Variants in FHAD1 observed in about 807,000 individuals in gnomAD.
FHAD1 encodes forkhead-associated domain-containing protein 1.
Under a neutral mutation model 191.3 loss-of-function variants are expected in FHAD1, and 146 were observed. The ratio of observed to expected loss-of-function variants is 0.76; its 90% confidence interval spans 0.67 to 0.88. The LOEUF (loss-of-function observed/expected upper bound fraction) is 0.88, where lower values mean the gene tolerates loss of function less well. Ranked by LOEUF, FHAD1 falls within the 40% of genes least tolerant of loss-of-function variation. FHAD1 has a pLI of 0.00. For synonymous variants in FHAD1, 616 were observed against 672.3 expected, an observed-to-expected ratio of 0.92 and a Z score of 1.29; for missense variants, 1,635 against 1,785.8, an observed-to-expected ratio of 0.92 and a Z score of 1.52.
chr1:15,302,627 T>C (rs1669179009), intron 6 of FHAD1, among the ~76,000 whole-genome samples: 1 of 151,282 alleles, frequency 6.6e-6, no homozygotes, highest in Non-Finnish European at 1.5e-5. Context: ...CGGGAGGCAG[T>C]AGAATGGCAT....
chr1:15,251,888 T>C lies in FHAD1; in HGVS notation c.93+11T>C. 2 of 1,548,772 alleles carry C rather than the reference T, an allele frequency of 1.3e-6. No individual in the cohort carries two copies. The highest frequency in any genetic ancestry group is 1.7e-6 in the Non-Finnish European group (2 of 1,144,416). ...GACCTTGTTTTACAGGTAAGAAGTC[T>C]TCCCACCTGTTCCCGTCCCCTCCCT... is the stretch of plus-strand genomic sequence containing the variant. On this transcript the variant is annotated intron_variant, in intron 2 of 33. Transcript: ENST00000688493.
At chr1:15,383,851 C>CA (rs1557434396) in intron 31 of FHAD1, 1 of 446,786 alleles carries the variant, frequency 2.2e-6, no homozygotes. Context: ...CCCAAGTGCA[C>CA]ACAGCGGCTG....
intron 19 of FHAD1, among the ~76,000 whole-genome samples, chr1:15,349,576 G>A (rs1214619890): frequency 2.0e-5 from 3 of 152,244 alleles, no homozygotes; most frequent in Admixed American, 6.5e-5. Flanking sequence ...GCATGGCCAA[G>A]GGAGAAAGCA....
At chr1:15,273,647 A>G (rs1657060821) in intron 3 of FHAD1, among the ~76,000 whole-genome samples, 2 of 152,314 alleles carry the variant, frequency 1.3e-5, no homozygotes, top group South Asian at 2.1e-4. Context: ...TGCCATCACC[A>G]TGTACATCCT....
intron 8 of FHAD1, among the ~76,000 whole-genome samples, chr1:15,313,836 C>T (rs1673055486): frequency 1.3e-5 from 2 of 151,908 alleles, no homozygotes; most frequent in South Asian, 2.1e-4. Context: ...TTTGGGAGGC[C>T]GAGGCTGGTG....
At position 15,289,494 on chromosome 1, in the gene FHAD1, T is replaced by C. The variant is rs200337988; in HGVS notation, c.396T>C (p.His132=). The C allele has an allele frequency of 4.0e-3, 6,284 of 1,551,822 alleles. 16 individuals carry two copies. Among genetic ancestry groups the C allele is most frequent in the Non-Finnish European group, 5.0e-3 (5,709 of 1,147,024 alleles). ...QQPNQAPPPS[H]IPFHQGVQPA... The stretch of plus-strand genomic sequence containing the variant: ...CAAACCAGGCCCCCCCACCATCACA[T>C]ATCCCCTTCCACCAAGGTGTCCAGC... The change falls in exon 4 of 34, where the codon CAT becomes CAC. Residue 132 remains histidine, a synonymous_variant. Coordinates refer to ENST00000688493, the MANE Select transcript of FHAD1 (RefSeq NM_001391957.1). The surrounding 1 kb of genome is among the most constrained non-coding windows in gnomAD (Gnocchi z 4.2).
chr1:15,378,032 G>C (rs138548203), intron 28 of FHAD1, among the ~76,000 whole-genome samples: 1 of 151,724 alleles, frequency 6.6e-6, no homozygotes, highest in African/African-American at 2.4e-5. Context: ...GGCCAGGCAC[G>C]GTGGCTCACG....
At chr1:15,290,989 C>G (rs954338887) in intron 4 of FHAD1, among the ~76,000 whole-genome samples, 1 of 152,060 alleles carries the variant, frequency 6.6e-6, no homozygotes, top group Non-Finnish European at 1.5e-5. Flanking sequence ...GCTGGGATTA[C>G]AGACATGAGC....
At position 15,316,578 on chromosome 1, in the gene FHAD1, G is replaced by A; in HGVS notation, c.1260+111G>A. The A allele has an allele frequency of 1.1e-6, 1 of 882,768 alleles. No individual in the cohort carries two copies. The highest frequency in any genetic ancestry group is 1.8e-6 in the Non-Finnish European group (1 of 564,154). The allele number at this position is 882,768 out of a possible 1,614,324, so 54.7% of individuals were successfully genotyped here. The stretch of plus-strand genomic sequence containing the variant: ...TAAGCATGAAGCTCTGGGGCTCTGT[G>A]CTTGCTTGTTTAACATAGTCTCATT... On this transcript the variant is annotated intron_variant, in intron 9 of 33. Coordinates refer to ENST00000688493, the MANE Select transcript of FHAD1 (RefSeq NM_001391957.1). The surrounding 1 kb of genome is among the most constrained non-coding windows in gnomAD (Gnocchi z 4.3).
In FHAD1 at chr1:15,276,689, C is replaced by A. The variant is rs973754537; in HGVS notation, c.300+4160C>A. On this transcript the variant is annotated intron_variant, in intron 3 of 33. Transcript: ENST00000688493. The surrounding 1 kb of genome is among the most constrained non-coding windows in gnomAD (Gnocchi z 4.7). ...TGGTGGCACATACCTATAGTCCCAG[C>A]TAGTCAGGAGGCTGAGGCACAAGAA... Among the ~76,000 whole-genome samples the A allele has an allele frequency of 6.6e-6, 1 of 151,974 alleles. No individual in the cohort carries two copies. The highest frequency in any genetic ancestry group is 1.5e-5 in the Non-Finnish European group (1 of 68,028).
At chr1:15,368,432 A>G (rs1697144359) in intron 25 of FHAD1, among the ~76,000 whole-genome samples, 1 of 152,146 alleles carries the variant, frequency 6.6e-6, no homozygotes, top group African/African-American at 2.4e-5. Context: ...AAATATTGTC[A>G]TTGTCCCATG....
intron 13 of FHAD1, 143 bp downstream of exon 13, chr1:15,328,572 CTTG>C (rs1679865202): frequency 1.4e-6 from 1 of 709,922 alleles, no homozygotes; most frequent in Middle Eastern, 4.5e-4. Flanking sequence ...GTTGGAGAAA[CTTG>C]TTGGAGAAGA....
At chr1:15,292,582 G>A (rs566304502) in intron 4 of FHAD1, among the ~76,000 whole-genome samples, 1 of 152,112 alleles carries the variant, frequency 6.6e-6, no homozygotes, top group Non-Finnish European at 1.5e-5. Flanking sequence ...TGATCCACCC[G>A]CCTTTAAAGA....
intron 16 of FHAD1, among the ~76,000 whole-genome samples, chr1:15,343,003 G>A (rs979169778): frequency 1.3e-5 from 2 of 151,788 alleles, no homozygotes; most frequent in Non-Finnish European, 2.9e-5. Context: ...TCTCTATGTT[G>A]CCCAGGCTGG....
rs138323342 is a variant in FHAD1 at position 15,316,467 on chromosome 1, C to T, written c.1260C>T (p.Thr420=). The change falls in exon 9 of 34, where the codon ACC becomes ACT. Residue 420 remains threonine (T), a splice_region_variant and synonymous_variant. Transcript: ENST00000688493. This position sits in a 1 kb window ranked among gnomAD's most constrained non-coding sequence, Gnocchi z 4.3. The part of the protein sequence containing the change: ...AQEKELKLCK[T]QIQDMEKEMK... ...AGAAAGAGTTAAAACTCTGCAAAAC[C>T]GTGAGTTGAGCTTCCTCCTTTGTAG... 33 of 1,551,496 alleles carry T rather than the reference C, an allele frequency of 2.1e-5. No individual in the cohort carries two copies. The highest frequency in any genetic ancestry group is 4.9e-5 in the East Asian group (2 of 40,916).
Position 15,358,102 on chromosome 1 carries a change from T to G in FHAD1, c.2563-8T>G. On this transcript the variant is annotated splice_polypyrimidine_tract_variant and splice_region_variant and intron_variant, in intron 20 of 33. Coordinates refer to ENST00000688493, the MANE Select transcript of FHAD1 (RefSeq NM_001391957.1). ...GTCTGTTATTTTGCTACTTGTTTTT[T>G]TGTCTAGGAATTAGAATTAAAAGAG... The G allele has an allele frequency of 6.7e-7, 1 of 1,498,366 alleles. No individual in the cohort carries two copies. Among genetic ancestry groups the G allele is most frequent in the Non-Finnish European group, 8.9e-7 (1 of 1,128,746 alleles). The allele number at this position is 1,498,366 out of a possible 1,614,324, so 92.8% of individuals were successfully genotyped here. A position where few individuals can be genotyped will look rare whatever the true frequency, so the allele number is the denominator to read the frequency against.
rs553125472 is a variant in FHAD1 at position 15,352,741 on chromosome 1, T to G, written c.2455-136T>G. On this transcript the variant is annotated intron_variant, in intron 19 of 33. Transcript: ENST00000688493. ...CCATGGTTCTCACCTCTGTCCCCAG[T>G]GGGTGCTTTGTTCTTTGAGATCTTT... is the stretch of plus-strand genomic sequence containing the variant. 5.2e-4 allele frequency: 340 copies of G among 651,668 alleles called. 5 individuals are homozygous for G. Among genetic ancestry groups the G allele is most frequent in the South Asian group, 4.1e-3 (212 of 52,298 alleles). 40.4% of individuals were successfully genotyped at this position (651,668 alleles called of 1,614,324 possible).
chr1:15,362,796 A>G (rs1695230867), intron 23 of FHAD1, 70 bp downstream of exon 23: 1 of 1,167,480 alleles, frequency 8.6e-7, no homozygotes, highest in Non-Finnish European at 1.3e-6. Context: ...CAAACAGGCA[A>G]CCAGCCCCTA....
chr1:15,290,284 T>C (rs1664121858), intron 4 of FHAD1, among the ~76,000 whole-genome samples: 2 of 152,152 alleles, frequency 1.3e-5, no homozygotes, highest in African/African-American at 4.8e-5. Flanking sequence ...CTCATGGCAC[T>C]TGGGGAGGAA....
Sources: gnomAD v4.1 joint callset for allele counts (sites outside exome capture counted in the v4.1 genomes callset) on GRCh38, gnomAD v4.1.1 for gene constraint, Gnocchi (gnomAD v3.1) non-coding constraint, MANE v1.5 for transcripts, NCBI Gene and HGNC (gene_info 2026-07-23, HGNC 2026-07-21) for gene names.